The following VRK1 variants were observed in gnomAD, a reference collection of about 807,000 sequenced individuals.
VRK1 encodes serine/threonine-protein kinase VRK1.
VRK1 carries 33 observed loss-of-function variants against 57.1 expected under a neutral mutation model. That is an observed-to-expected ratio of 0.58 (90% CI 0.44 to 0.77). The LOEUF is 0.77. VRK1 is among the 30% of genes least tolerant of loss of function. The pLI, the probability that VRK1 is intolerant of heterozygous loss-of-function variation, is 0.00. For synonymous variants in VRK1, 137 were observed against 147.8 expected (o/e 0.93, Z 0.53); for missense variants, 413 against 477.3 (o/e 0.87, Z 1.25).
intron 4 of VRK1, 135 bp from the exon 5 acceptor site, chr14:96,847,122 T>G (rs1887732394): frequency 1.5e-6 from 1 of 680,270 alleles, no homozygotes; most frequent in Admixed American, 2.5e-5. Context: ...TTATACTGTA[T>G]TCTTCATTTT....
chr14:96,859,177 G>C (rs1477081411), intron 10 of VRK1: 3 of 151,946 alleles, frequency 2.0e-5, no homozygotes. Context: ...TTTTCCAATT[G>C]CTTTTTGCTG....
intron 1 of VRK1, among the ~76,000 whole-genome samples, chr14:96,823,081 T>C (rs1886663821): frequency 6.6e-6 from 1 of 152,230 alleles, no homozygotes; most frequent in Non-Finnish European, 1.5e-5. Flanking sequence ...CAGAGGAGGC[T>C]GACCATGACC....
At chr14:96,826,827 C>G (rs192696219) in intron 1 of VRK1, among the ~76,000 whole-genome samples, 22 of 152,148 alleles carry the variant, frequency 1.4e-4, no homozygotes, top group Non-Finnish European at 2.9e-4. Flanking sequence ...TAAATAATTC[C>G]TCTTTTAAGA....
At position 96,860,942 on chromosome 14, in the gene VRK1, A is replaced by G. The variant is rs116213913; in HGVS notation, c.1068+207A>G. The G allele has an allele frequency of 3.7e-3, 1,540 of 415,456 alleles. 26 individuals are homozygous for G. Among genetic ancestry groups the G allele is most frequent in the African/African-American group, 0.029 (1,409 of 49,370 alleles). The allele number at this position is 415,456 out of a possible 1,614,324, so 25.7% of individuals were successfully genotyped here. On this transcript the variant is annotated intron_variant, in intron 11 of 12. Coordinates refer to ENST00000216639, the MANE Select transcript of VRK1 (RefSeq NM_003384.3). ...TTCTTATGTTTAGTAGCAAGTTACT[A>G]AATTCCTGAACTGATTTTAACTTGG...
At chr14:96,837,175 A>G (rs1187350287) in intron 2 of VRK1, among the ~76,000 whole-genome samples, 7 of 152,166 alleles carry the variant, frequency 4.6e-5, no homozygotes, top group African/African-American at 1.7e-4. Flanking sequence ...AATATGGGCA[A>G]CCTTATATTT....
rs528494610 is a variant in VRK1 at position 96,856,351 on chromosome 14, T to C, written c.830+101T>C. On this transcript the variant is annotated intron_variant, in intron 9 of 12. Coordinates refer to ENST00000216639, the MANE Select transcript of VRK1 (RefSeq NM_003384.3). The stretch of plus-strand genomic sequence containing the variant: ...ACTATAGTTTCAACTGATACTGATA[T>C]AGAAATAAGAAAGTACTTGTTAAAC... 2.3e-5 allele frequency: 33 copies of C among 1,458,772 alleles called. 1 individual carries two copies. Among genetic ancestry groups the C allele is most frequent in the South Asian group, 1.3e-4 (11 of 82,760 alleles). The allele number at this position is 1,458,772 out of a possible 1,614,324, so 90.4% of individuals were successfully genotyped here.
At chr14:96,808,033 G>C (rs1338664892) in intron 1 of VRK1, among the ~76,000 whole-genome samples, 103 of 80,688 alleles carry the variant, frequency 1.3e-3, no homozygotes, top group South Asian at 2.2e-3. Context: ...GTGTGTGTGT[G>C]TGTGTGTGTG....
chr14:96,869,077 GCCA>G (rs1315565150), intron 11 of VRK1, among the ~76,000 whole-genome samples: 1 of 152,136 alleles, frequency 6.6e-6, no homozygotes. Context: ...ACAGGTGTGA[GCCA>G]CCACGCCCGG....
At chr14:96,845,523 A>G (rs79171286) in intron 3 of VRK1, among the ~76,000 whole-genome samples, 12,675 of 152,232 alleles carry the variant, frequency 0.083, 691 homozygotes, top group Non-Finnish European at 0.13. Flanking sequence ...TGGTTTGACA[A>G]ATGTAGGAAT....
At chr14:96,831,759 TTACTA>T (rs1368091903) in intron 1 of VRK1, among the ~76,000 whole-genome samples, 4 of 152,170 alleles carry the variant, frequency 2.6e-5, no homozygotes, top group East Asian at 1.9e-4. Context: ...ACTATTTTGA[TTACTA>T]TAAGGAACCA....
chr14:96,797,668 C>T (rs534254498), intron 1 of VRK1, among the ~76,000 whole-genome samples: 8 of 152,210 alleles, frequency 5.3e-5, no homozygotes, highest in African/African-American at 1.9e-4. Flanking sequence ...TCGTTCAGGC[C>T]CCGCAGGCGC....
At chr14:96,859,350 T>G (rs1888290075) in intron 10 of VRK1, among the ~76,000 whole-genome samples, 1 of 152,242 alleles carries the variant, frequency 6.6e-6, no homozygotes, top group Admixed American at 6.5e-5. Context: ...TCTGTTCCAC[T>G]CTTTATGCCT....
At chr14:96,845,952 C>A in intron 3 of VRK1, 143 bp from the exon 4 acceptor site, 2 of 739,172 alleles carry the variant, frequency 2.7e-6, no homozygotes, top group Non-Finnish European at 4.6e-6. Flanking sequence ...AGGAGTTTGA[C>A]TTAATCTTAA....
chr14:96,813,887 A>T (rs1410349370), intron 1 of VRK1, among the ~76,000 whole-genome samples: 1 of 152,132 alleles, frequency 6.6e-6, no homozygotes, highest in Admixed American at 6.5e-5. Context: ...GCCGTGGACA[A>T]ATTATTTAAT....
intron 5 of VRK1, among the ~76,000 whole-genome samples, chr14:96,850,604 G>A (rs1887909611): frequency 6.6e-6 from 1 of 152,136 alleles, no homozygotes; most frequent in African/African-American, 2.4e-5. Context: ...TAAAAACAAA[G>A]ACCTATGTAA....
chr14:96,816,393 CT>C (rs1346156283), intron 1 of VRK1, among the ~76,000 whole-genome samples: 1 of 152,178 alleles, frequency 6.6e-6, no homozygotes, highest in African/African-American at 2.4e-5. Context: ...CTCATCTCCC[CT>C]CCCTTAGGTA....
chr14:96,859,171 C>A (rs959614127), intron 10 of VRK1: 1 of 152,020 alleles, frequency 6.6e-6, no homozygotes, highest in African/African-American at 2.4e-5. Context: ...AGTTTATTTT[C>A]CAATTGCTTT....
intron 8 of VRK1, 86 bp from the exon 9 acceptor site, chr14:96,856,044 G>A: frequency 6.7e-7 from 1 of 1,490,332 alleles, no homozygotes; most frequent in Non-Finnish European, 9.1e-7. Flanking sequence ...GAGTTGACTT[G>A]TTTTATGTTA....
At chr14:96,805,247 C>G (rs1885824960) in intron 1 of VRK1, among the ~76,000 whole-genome samples, 1 of 152,134 alleles carries the variant, frequency 6.6e-6, no homozygotes, top group Non-Finnish European at 1.5e-5. Context: ...ACAAATGGCT[C>G]AAATTGCAGC....
Sources: allele counts gnomAD v4.1 joint callset (sites outside exome capture counted in the v4.1 genomes callset), GRCh38; gene constraint gnomAD v4.1.1; transcripts MANE v1.5; gene names NCBI Gene and HGNC (gene_info 2026-07-23, HGNC 2026-07-21).